The following CSMD1 variants were observed in gnomAD, a reference collection of about 807,000 sequenced individuals.
CSMD1 encodes the protein CUB and Sushi multiple domains 1.
A neutral mutation model predicts 417.5 loss-of-function variants in CSMD1; 213 were observed. That is an observed-to-expected ratio of 0.51 (90% CI 0.46 to 0.57). The LOEUF is 0.57. Ranked by LOEUF, CSMD1 falls within the 20% of genes least tolerant of loss-of-function variation. The pLI is 0.00. For missense variants in CSMD1, 6,923 were observed against 4,529.7 expected (o/e 1.53, Z -15.17); for synonymous variants, 2,862 against 1,736.8 (o/e 1.65, Z -16.11).
chr8:3,235,303 T>G lies in CSMD1; in HGVS notation c.4154-5072A>C, dbSNP rs1025853625. On this transcript the variant is annotated intron_variant, in intron 26 of 69. Transcript: ENST00000635120. ...GATGTTTTCATTTCTCATTCCCATA[T>G]TTTTATTTAATGTTTATCAAAAGAA... Among the ~76,000 whole-genome samples the G allele has an allele frequency of 5.3e-5, 8 of 152,314 alleles. No individual in the cohort carries two copies. In the South Asian group the frequency reaches 1.7e-3, roughly 32 times the overall value.
chr8:4,124,755 C>T (rs1027356426), intron 3 of CSMD1, among the ~76,000 whole-genome samples: 2 of 152,166 alleles, frequency 1.3e-5, no homozygotes, highest in Non-Finnish European at 2.9e-5. Flanking sequence ...AACTAAGGGA[C>T]TGAAACTTCA....
chr8:4,075,789 T>C (rs1225819541), intron 3 of CSMD1, among the ~76,000 whole-genome samples: 1 of 152,100 alleles, frequency 6.6e-6, no homozygotes, highest in African/African-American at 2.4e-5. Flanking sequence ...TCTCAAGAGG[T>C]TGTGATGACA....
In CSMD1 at chr8:4,932,758, C is replaced by G. The variant is rs537779476; in HGVS notation, c.85+61574G>C. Among the ~76,000 whole-genome samples, 4 of 152,306 alleles carry G rather than the reference C, an allele frequency of 2.6e-5. No individual in the cohort carries two copies. The South Asian group carries it at 8.3e-4, about 32-fold the overall frequency. On this transcript the variant is annotated intron_variant, in intron 1 of 69. Coordinates refer to ENST00000635120, the MANE Select transcript of CSMD1 (RefSeq NM_033225.6). ...AGTACGATCCTTAAAATAATCCAAG[C>G]TTACACTGACTTAAAGGTAAATTTT...
intron 1 of CSMD1, among the ~76,000 whole-genome samples, chr8:4,645,139 A>C (rs1803440800): frequency 6.6e-6 from 1 of 152,130 alleles, no homozygotes; most frequent in Admixed American, 6.5e-5. Context: ...TCCCTGCTTT[A>C]TGGGAAGCTA....
chr8:3,900,099 C>A (rs1177369538), intron 5 of CSMD1, among the ~76,000 whole-genome samples: 1 of 151,534 alleles, frequency 6.6e-6, no homozygotes, highest in Non-Finnish European at 1.5e-5. Flanking sequence ...TGTGATGGTG[C>A]AGCTGGTTGG....
chr8:4,561,975 C>T (rs73184916), intron 2 of CSMD1, among the ~76,000 whole-genome samples: 18,386 of 151,856 alleles, frequency 0.12, 1,197 homozygotes, highest in Non-Finnish European at 0.15. Flanking sequence ...ATCCGGTAAA[C>T]GAAGAGAGTT....
chr8:4,335,074 G>C lies in CSMD1; in HGVS notation c.415+84879C>G, dbSNP rs79136648. On this transcript the variant is annotated intron_variant, in intron 3 of 69. Transcript: ENST00000635120. Reference sequence around the variant, plus strand: ...ACACCACCATATCTGACTAATTTTTGTACTTTGTGTAGAGACAGAGCCACA... The same window carrying C: ...ACACCACCATATCTGACTAATTTTTCTACTTTGTGTAGAGACAGAGCCACA... 1.5e-3 allele frequency among the ~76,000 whole-genome samples: 233 copies of C among 152,146 alleles called. 4 individuals carry two copies. In the East Asian group the frequency reaches 0.041, roughly 27 times the overall value.
intron 10 of CSMD1, among the ~76,000 whole-genome samples, chr8:3,499,709 G>C (rs558590578): frequency 3.5e-4 from 53 of 151,976 alleles, no homozygotes; most frequent in Non-Finnish European, 5.6e-4. Flanking sequence ...TCATGGTCTT[G>C]AGTGCTGGGT....
intron 1 of CSMD1, among the ~76,000 whole-genome samples, chr8:4,864,132 T>C (rs1434604556): frequency 6.6e-6 from 1 of 152,010 alleles, no homozygotes; most frequent in Non-Finnish European, 1.5e-5. Context: ...TCTGGGTATT[T>C]TTTATTAAAT....
chr8:3,759,378 C>G (rs1476480357), intron 5 of CSMD1, among the ~76,000 whole-genome samples: 2 of 152,112 alleles, frequency 1.3e-5, no homozygotes, highest in African/African-American at 4.8e-5. Context: ...CTTACTGAAT[C>G]CAGGCAGTTT....
At chr8:4,407,497 ACT>A (rs1315935353) in intron 3 of CSMD1, among the ~76,000 whole-genome samples, 2 of 152,162 alleles carry the variant, frequency 1.3e-5, no homozygotes, top group African/African-American at 2.4e-5. Context: ...ATTTCATTGT[ACT>A]CTGTTGTATT....
At chr8:3,150,231 T>C (rs1004080153) in intron 40 of CSMD1, among the ~76,000 whole-genome samples, 1 of 152,076 alleles carries the variant, frequency 6.6e-6, no homozygotes, top group African/African-American at 2.4e-5. Flanking sequence ...CCTATAATAA[T>C]CCTTCCACAG....
At chr8:4,761,629 T>C (rs1400834209) in intron 1 of CSMD1, among the ~76,000 whole-genome samples, 4 of 152,080 alleles carry the variant, frequency 2.6e-5, no homozygotes, top group Non-Finnish European at 5.9e-5. Context: ...CACTCCCAAA[T>C]GAAATCATTA....
intron 3 of CSMD1, among the ~76,000 whole-genome samples, chr8:4,354,874 G>GTC (rs1449457264): frequency 2.9e-5 from 4 of 137,760 alleles, no homozygotes; most frequent in African/African-American, 1.2e-4. Context: ...TAGTGTGTGT[G>GTC]TGTGTGTGTG....
chr8:3,434,007 A>C (rs570525952), intron 12 of CSMD1, among the ~76,000 whole-genome samples: 23 of 152,282 alleles, frequency 1.5e-4, no homozygotes, highest in Middle Eastern at 3.4e-3. Context: ...GCACTGAGTG[A>C]TTTCTCTGCT....
At chr8:4,216,436 T>C (rs1800673044) in intron 3 of CSMD1, among the ~76,000 whole-genome samples, 1 of 151,088 alleles carries the variant, frequency 6.6e-6, no homozygotes, top group Admixed American at 6.6e-5. Context: ...TTGAAGTTCC[T>C]AAGTAAGTAA....
At chr8:4,945,414 ATT>A (rs1464962070) in intron 1 of CSMD1, among the ~76,000 whole-genome samples, 2 of 152,028 alleles carry the variant, frequency 1.3e-5, no homozygotes, top group African/African-American at 4.8e-5. Context: ...TATTATGTAT[ATT>A]TTTACCGCAA....
At chr8:4,539,375 T>C (rs1230035330) in intron 2 of CSMD1, among the ~76,000 whole-genome samples, 4 of 152,222 alleles carry the variant, frequency 2.6e-5, no homozygotes, top group Non-Finnish European at 4.4e-5. Flanking sequence ...TCAGCAGGAA[T>C]GTTTTTGGAG....
intron 1 of CSMD1, among the ~76,000 whole-genome samples, chr8:4,683,949 A>G (rs188874755): frequency 5.1e-4 from 77 of 152,350 alleles, no homozygotes; most frequent in African/African-American, 1.8e-3. Flanking sequence ...TTTTTAATCA[A>G]AAGATATTTA....
Sources: gnomAD v4.1 joint callset for allele counts (sites outside exome capture counted in the v4.1 genomes callset) on GRCh38, gnomAD v4.1.1 for gene constraint, MANE v1.5 for transcripts, NCBI Gene and HGNC (gene_info 2026-07-23, HGNC 2026-07-21) for gene names.